Variants in BBX observed in about 807,000 individuals in gnomAD.
BBX encodes HMG box transcription factor BBX.
BBX carries 30 observed loss-of-function variants against 100.2 expected under a neutral mutation model. The ratio of observed to expected loss-of-function variants is 0.30; its 90% CI spans 0.22 to 0.41. BBX has a LOEUF of 0.41. BBX is among the 10% of genes least tolerant of loss of function. The pLI, the probability that BBX is intolerant of heterozygous loss-of-function variation, is 1.00. For missense variants in BBX, 1,023 were observed against 1,129.8 expected (o/e 0.91, Z 1.35); for synonymous variants, 376 against 388.1 (o/e 0.97, Z 0.37).
chr3:107,752,254 T>C (rs2065133020), intron 9 of BBX, among the ~76,000 whole-genome samples: 1 of 152,192 alleles, frequency 6.6e-6, no homozygotes, highest in East Asian at 1.9e-4. Context: ...ATATAAGCAA[T>C]AGGTACAAAT....
At chr3:107,769,015 G>A (rs899866465) in intron 10 of BBX, among the ~76,000 whole-genome samples, 3 of 150,448 alleles carry the variant, frequency 2.0e-5, no homozygotes, top group East Asian at 2.0e-4. Flanking sequence ...GGCGGCGGGG[G>A]GGGGGAGCCG....
intron 15 of BBX, among the ~76,000 whole-genome samples, chr3:107,791,818 T>C (rs897406035): frequency 4.6e-5 from 7 of 152,146 alleles, no homozygotes; most frequent in African/African-American, 1.7e-4. Context: ...CTAACCAACA[T>C]GGTGAAACCC....
intron 10 of BBX, among the ~76,000 whole-genome samples, chr3:107,770,437 A>G (rs562401269): frequency 6.6e-6 from 1 of 152,340 alleles, no homozygotes; most frequent in East Asian, 1.9e-4. Context: ...CACATGGGAT[A>G]GTTATTCACG....
intron 2 of BBX, among the ~76,000 whole-genome samples, chr3:107,570,003 G>A (rs2051225324): frequency 6.6e-6 from 1 of 152,200 alleles, no homozygotes; most frequent in Non-Finnish European, 1.5e-5. Context: ...TGGACAGTCT[G>A]ATTTCCAGTG....
intron 3 of BBX, among the ~76,000 whole-genome samples, chr3:107,684,868 C>CT (rs1448613588): frequency 1.3e-5 from 2 of 152,062 alleles, no homozygotes; most frequent in Non-Finnish European, 2.9e-5. Flanking sequence ...TGCCTTTCAT[C>CT]TTTTTTTTCT....
intron 7 of BBX, among the ~76,000 whole-genome samples, chr3:107,736,969 C>T (rs999404724): frequency 1.3e-5 from 2 of 152,036 alleles, no homozygotes; most frequent in African/African-American, 4.8e-5. Context: ...TGGGAAGTAC[C>T]TTAGACTTTG....
intron 3 of BBX, among the ~76,000 whole-genome samples, chr3:107,676,142 G>T (rs942994631): frequency 6.6e-6 from 1 of 152,040 alleles, no homozygotes; most frequent in Non-Finnish European, 1.5e-5. Context: ...TATAGAATCT[G>T]CTTCCAAAGA....
At chr3:107,733,679 G>A (rs2063463031) in intron 7 of BBX, among the ~76,000 whole-genome samples, 1 of 152,062 alleles carries the variant, frequency 6.6e-6, no homozygotes, top group African/African-American at 2.4e-5. Flanking sequence ...GTTTTGCCAT[G>A]TTGCTCAGAC....
At chr3:107,790,486 C>T (rs547612441) in intron 14 of BBX, among the ~76,000 whole-genome samples, 102 of 152,252 alleles carry the variant, frequency 6.7e-4, no homozygotes, top group South Asian at 1.9e-3. Context: ...TTACTCGGAA[C>T]GTCTGTCTCA....
chr3:107,805,382 A>G lies in BBX; in HGVS notation c.2751A>G (p.Ser917=). ...TTTTATTTTACAGAGGTCAGAGGTCAACTCCGCTCACCCATGATGGACAGC... is the reference window on the plus strand; with the variant it reads ...TTTTATTTTACAGAGGTCAGAGGTCGACTCCGCTCACCCATGATGGACAGC... ...AMENVHRGQR[S]TPLTHDGQPK... The change falls in exon 18 of 18, where the codon TCA becomes TCG. Residue 917 remains serine, a synonymous_variant. Transcript: ENST00000325805. 1 of 1,613,740 alleles carries G rather than the reference A, an allele frequency of 6.2e-7. No individual in the cohort carries two copies. The highest frequency in any genetic ancestry group is 2.2e-5 in the East Asian group (1 of 44,872).
At chr3:107,619,570 T>G (rs1376928984) in intron 2 of BBX, among the ~76,000 whole-genome samples, 2 of 152,060 alleles carry the variant, frequency 1.3e-5, no homozygotes, top group East Asian at 3.9e-4. Context: ...AATATCAGGT[T>G]TTTTCTTTCA....
chr3:107,633,250 A>T (rs1280720619), intron 2 of BBX, among the ~76,000 whole-genome samples: 1 of 152,142 alleles, frequency 6.6e-6, no homozygotes, highest in African/African-American at 2.4e-5. Context: ...TTCATATGTT[A>T]ACAGTTTCAA....
At chr3:107,630,791 G>C (rs1027362228) in intron 2 of BBX, among the ~76,000 whole-genome samples, 2 of 152,172 alleles carry the variant, frequency 1.3e-5, no homozygotes, top group Admixed American at 6.5e-5. Context: ...CTTGCCCAGA[G>C]AGCAGGTTTA....
chr3:107,610,881 C>T (rs1486534711), intron 2 of BBX, among the ~76,000 whole-genome samples: 2 of 151,680 alleles, frequency 1.3e-5, no homozygotes, highest in East Asian at 1.9e-4. Context: ...TTAGGACTTA[C>T]TCCTGCCATT....
chr3:107,738,992 G>A (rs1295152293), intron 7 of BBX, among the ~76,000 whole-genome samples: 13 of 152,052 alleles, frequency 8.5e-5, no homozygotes, highest in Non-Finnish European at 1.5e-4. Context: ...TGATGAGATA[G>A]GCAAAAATCT....
intron 3 of BBX, among the ~76,000 whole-genome samples, chr3:107,666,774 G>A (rs973279316): frequency 1.3e-5 from 2 of 152,124 alleles, no homozygotes; most frequent in Non-Finnish European, 2.9e-5. Context: ...GTTTCACCAC[G>A]TTGGCCGGGA....
chr3:107,548,263 C>T (rs912508872), intron 2 of BBX, among the ~76,000 whole-genome samples: 1 of 152,122 alleles, frequency 6.6e-6, no homozygotes, highest in Admixed American at 6.5e-5. Flanking sequence ...TAAAAAGATA[C>T]TACCTATATA....
Position 107,561,548 on chromosome 3 carries a change from A to G in BBX, c.-84+35150A>G, listed in dbSNP as rs2050497551. ...TCACATGATGGAGTAAATATGCAGC[A>G]GATAAAATGAATGAATTATTATGGA... On this transcript the variant is annotated intron_variant, in intron 2 of 17. Coordinates refer to ENST00000325805, the MANE Select transcript of BBX (RefSeq NM_001142568.3). Among the ~76,000 whole-genome samples the G allele has an allele frequency of 2.0e-5, 3 of 152,226 alleles. No individual in the cohort carries two copies. In the South Asian group the frequency reaches 6.2e-4, roughly 32 times the overall value.
chr3:107,636,097 A>G (rs2056836463), intron 2 of BBX, among the ~76,000 whole-genome samples: 1 of 152,096 alleles, frequency 6.6e-6, no homozygotes, highest in Admixed American at 6.5e-5. Context: ...TAAACTTGGT[A>G]TTATTTATTT....
Sources: allele counts gnomAD v4.1 joint callset (sites outside exome capture counted in the v4.1 genomes callset), GRCh38; gene constraint gnomAD v4.1.1; transcripts MANE v1.5; gene names NCBI Gene and HGNC (gene_info 2026-07-23, HGNC 2026-07-21).